The following DLGAP2 variants were observed in gnomAD, a reference collection of about 807,000 sequenced individuals.
DLGAP2 encodes the protein disks large-associated protein 2.
In DLGAP2, 26 loss-of-function variants were observed where a neutral mutation model predicts 100.3. The observed-to-expected ratio is 0.26, with a 90% CI of 0.19 to 0.36. The LOEUF is 0.36. Ranked by LOEUF, DLGAP2 falls within the 10% of genes least tolerant of loss-of-function variation. The pLI, the probability that DLGAP2 is intolerant of heterozygous loss-of-function variation, is 1.00. For synonymous variants in DLGAP2, 886 were observed against 630.1 expected, an observed-to-expected ratio of 1.41 and a Z score of -6.08; for missense variants, 1,858 against 1,453.2, an observed-to-expected ratio of 1.28 and a Z score of -4.53.
chr8:1,270,716 G>GTGTCTCCCTCTCTCTT, intron 3 of DLGAP2, among the ~76,000 whole-genome samples: 1 of 151,578 alleles, frequency 6.6e-6, no homozygotes, highest in Non-Finnish European at 1.5e-5. Flanking sequence ...GTGTGTGTGT[G>GTGTCTCCCTCTCTCTT]TGTGTCTCCC....
At chr8:1,543,832 G>A (rs942892475) in intron 4 of DLGAP2, among the ~76,000 whole-genome samples, 1 of 152,030 alleles carries the variant, frequency 6.6e-6, no homozygotes, top group African/African-American at 2.4e-5. Flanking sequence ...TTTCATTTAC[G>A]TAAGTCTTGC....
chr8:1,146,645 G>A (rs1192376437), intron 2 of DLGAP2, among the ~76,000 whole-genome samples: 4 of 148,902 alleles, frequency 2.7e-5, no homozygotes, highest in African/African-American at 1.0e-4. Context: ...GTGCATGTGA[G>A]TGTGTGCATG....
chr8:1,297,295 A>T (rs1800204455), intron 3 of DLGAP2: 1 of 152,254 alleles, frequency 6.6e-6, no homozygotes, highest in Non-Finnish European at 1.5e-5. Context: ...TCAGAAAAAC[A>T]TGTCTCCCCT....
chr8:1,251,743 A>C (rs768899796), intron 2 of DLGAP2, among the ~76,000 whole-genome samples: 1 of 152,132 alleles, frequency 6.6e-6, no homozygotes, highest in East Asian at 1.9e-4. Flanking sequence ...TCATATAGTC[A>C]TTGTCGTACA....
At position 1,701,398 on chromosome 8, in the gene DLGAP2, C is replaced by A; in HGVS notation, c.3160C>A (p.Arg1054=). Reference sequence around the variant, plus strand: ...GATCTACATCCCCGAGGCCCAGACCCGGCTCTGAGGGCGGAGGCCGGCGCC... The same window carrying A: ...GATCTACATCCCCGAGGCCCAGACCAGGCTCTGAGGGCGGAGGCCGGCGCC... ...IEIYIPEAQT[R]L The change falls in exon 15 of 15, where the codon CGG becomes AGG. Residue 1054 remains arginine (R), a synonymous_variant. Coordinates refer to ENST00000637795, the MANE Select transcript of DLGAP2 (RefSeq NM_001346810.2). The A allele has an allele frequency of 6.3e-7, 1 of 1,589,914 alleles. No individual in the cohort carries two copies. The highest frequency in any genetic ancestry group is 8.6e-7 in the Non-Finnish European group (1 of 1,169,122).
At chr8:1,255,471 G>T (rs1238373293) in intron 2 of DLGAP2, among the ~76,000 whole-genome samples, 2 of 136,772 alleles carry the variant, frequency 1.5e-5, no homozygotes, top group Non-Finnish European at 3.1e-5. Flanking sequence ...TCTTGCCTGG[G>T]TGCTGTGTGT....
chr8:813,989 A>T (rs1299686302), intron 1 of DLGAP2, among the ~76,000 whole-genome samples: 2 of 152,202 alleles, frequency 1.3e-5, no homozygotes, highest in African/African-American at 4.8e-5. Context: ...AGGAGAAAAC[A>T]TACTGAATTT....
At chr8:1,241,484 A>G (rs1407391002) in intron 2 of DLGAP2, among the ~76,000 whole-genome samples, 1 of 152,146 alleles carries the variant, frequency 6.6e-6, no homozygotes, top group Non-Finnish European at 1.5e-5. Flanking sequence ...CCTTGACGTT[A>G]CTGCAGTTAC....
chr8:1,245,904 G>T (rs1269977938), intron 2 of DLGAP2, among the ~76,000 whole-genome samples: 6 of 152,208 alleles, frequency 3.9e-5, no homozygotes, highest in Non-Finnish European at 8.8e-5. Flanking sequence ...GGTGGTCCCA[G>T]TATGACCGCC....
chr8:1,519,177 A>T (rs1449409377), intron 4 of DLGAP2, among the ~76,000 whole-genome samples: 3 of 152,204 alleles, frequency 2.0e-5, no homozygotes, highest in Non-Finnish European at 4.4e-5. Context: ...GAAGAAACAG[A>T]AGGGGCTTCT....
chr8:814,919 T>C (rs1283270628), intron 1 of DLGAP2, among the ~76,000 whole-genome samples: 2 of 148,534 alleles, frequency 1.3e-5, no homozygotes, highest in Admixed American at 1.3e-4. Flanking sequence ...ACTTGGTAGA[T>C]ATTTATAGAT....
intron 1 of DLGAP2, among the ~76,000 whole-genome samples, chr8:869,272 C>G (rs1797554443): frequency 6.6e-6 from 1 of 152,162 alleles, no homozygotes; most frequent in African/African-American, 2.4e-5. Flanking sequence ...TACTGTTAAG[C>G]TGTTTTCGCG....
intron 2 of DLGAP2, chr8:927,116 G>C: frequency 1.0e-6 from 1 of 985,466 alleles, no homozygotes; most frequent in Non-Finnish European, 1.2e-6. Context: ...AGACTTCGGA[G>C]CAAACTAATC....
intron 2 of DLGAP2, among the ~76,000 whole-genome samples, chr8:1,007,208 C>G (rs532674559): frequency 6.6e-6 from 1 of 151,896 alleles, no homozygotes; most frequent in Admixed American, 6.6e-5. Context: ...GGACACCGTG[C>G]ATCTCAAGTC....
chr8:1,684,565 C>T (rs989404078), intron 12 of DLGAP2, among the ~76,000 whole-genome samples: 12 of 151,990 alleles, frequency 7.9e-5, no homozygotes, highest in African/African-American at 2.9e-4. Context: ...ACACAGTTCC[C>T]CGAACTGATT....
chr8:999,396 A>G (rs972477374), intron 2 of DLGAP2, among the ~76,000 whole-genome samples: 1 of 150,444 alleles, frequency 6.6e-6, no homozygotes, highest in East Asian at 2.0e-4. Context: ...TGAATCTTCT[A>G]TGTCAAGAAT....
intron 2 of DLGAP2, among the ~76,000 whole-genome samples, chr8:959,455 G>C (rs1207318518): frequency 1.3e-5 from 2 of 152,236 alleles, no homozygotes; most frequent in African/African-American, 2.4e-5. Context: ...GAATGCCCTG[G>C]CTCATGCTGG....
intron 3 of DLGAP2, among the ~76,000 whole-genome samples, chr8:1,318,368 A>G (rs550542097): frequency 6.6e-6 from 1 of 151,604 alleles, no homozygotes; most frequent in Non-Finnish European, 1.5e-5. Flanking sequence ...AACCATCTTC[A>G]TATTGTATTT....
intron 2 of DLGAP2, among the ~76,000 whole-genome samples, chr8:1,081,892 G>A (rs1008039781): frequency 5.3e-5 from 8 of 152,242 alleles, no homozygotes; most frequent in South Asian, 2.1e-4. Flanking sequence ...CCGACGCTGC[G>A]GCTGCTCCTA....
Sources: gnomAD v4.1 joint callset for allele counts (sites outside exome capture counted in the v4.1 genomes callset) on GRCh38, gnomAD v4.1.1 for gene constraint, MANE v1.5 for transcripts, NCBI Gene and HGNC (gene_info 2026-07-23, HGNC 2026-07-21) for gene names.